Variants in PDE4D observed in about 807,000 individuals in gnomAD.
PDE4D encodes the protein 3',5'-cyclic-AMP phosphodiesterase 4D.
Under a neutral mutation model 87.4 loss-of-function variants are expected in PDE4D, and 24 were observed. The ratio of observed to expected loss-of-function variants is 0.27; its 90% CI spans 0.20 to 0.39. The LOEUF (loss-of-function observed/expected upper bound fraction) is 0.39, where lower values mean the gene tolerates loss of function less well. Ranked by LOEUF, PDE4D falls within the 10% of genes least tolerant of loss-of-function variation. The pLI is 1.00. For synonymous variants in PDE4D, 384 were observed against 383.2 expected (o/e 1.00, Z -0.02); for missense variants, 714 against 1,041.0 (o/e 0.69, Z 4.32).
At chr5:59,961,311 A>C (rs1342681775) in intron 3 of PDE4D, among the ~76,000 whole-genome samples, 1 of 151,856 alleles carries the variant, frequency 6.6e-6, no homozygotes. Context: ...TTAAAAAAAA[A>C]AAAAAGGCCA....
At chr5:60,175,613 T>C (rs1783840549) in intron 2 of PDE4D, among the ~76,000 whole-genome samples, 1 of 152,168 alleles carries the variant, frequency 6.6e-6, no homozygotes. Flanking sequence ...CCCTTTAGCT[T>C]TGGGTCTTCC....
At chr5:59,293,125 G>A (rs1467358294) in intron 1 of PDE4D, among the ~76,000 whole-genome samples, 1 of 152,102 alleles carries the variant, frequency 6.6e-6, no homozygotes, top group Admixed American at 6.6e-5. Flanking sequence ...TCTCCTTAAT[G>A]TTTTCTCTGG....
At chr5:59,567,824 G>A (rs1424695662) in intron 1 of PDE4D, among the ~76,000 whole-genome samples, 1 of 152,104 alleles carries the variant, frequency 6.6e-6, no homozygotes, top group African/African-American at 2.4e-5. Flanking sequence ...TGACCCATGT[G>A]GTAATGAGTT....
intron 1 of PDE4D, among the ~76,000 whole-genome samples, chr5:60,247,878 T>C (rs1035499220): frequency 6.6e-6 from 1 of 152,092 alleles, no homozygotes; most frequent in African/African-American, 2.4e-5. Flanking sequence ...TGCTGTGCTC[T>C]AGACATTGGA....
chr5:59,492,249 C>T (rs1806355475), intron 1 of PDE4D, among the ~76,000 whole-genome samples: 1 of 152,178 alleles, frequency 6.6e-6, no homozygotes. Flanking sequence ...CTGGGACTAT[C>T]CCATCTGTAC....
chr5:60,131,941 T>G (rs1163964307), intron 2 of PDE4D, among the ~76,000 whole-genome samples: 1 of 152,212 alleles, frequency 6.6e-6, no homozygotes, highest in East Asian at 1.9e-4. Context: ...TCTACAAATA[T>G]TCTCTGCAAT....
intron 1 of PDE4D, among the ~76,000 whole-genome samples, chr5:59,327,364 C>T (rs1775903768): frequency 6.6e-6 from 1 of 152,014 alleles, no homozygotes; most frequent in Non-Finnish European, 1.5e-5. Context: ...GCTGCCTTGG[C>T]CCCTTCTGAG....
intron 1 of PDE4D, among the ~76,000 whole-genome samples, chr5:59,750,974 C>T (rs1456582113): frequency 6.1e-5 from 9 of 148,016 alleles, no homozygotes; most frequent in Non-Finnish European, 1.2e-4. Context: ...AAAAAGTATG[C>T]CCCAATGTAT....
chr5:60,148,112 A>G (rs1295419201), intron 2 of PDE4D, among the ~76,000 whole-genome samples: 1 of 152,190 alleles, frequency 6.6e-6, no homozygotes, highest in African/African-American at 2.4e-5. Context: ...TCTATGATGT[A>G]TCTAAAGAAT....
chr5:59,598,232 AT>A (rs1377204102), intron 1 of PDE4D, among the ~76,000 whole-genome samples: 4 of 152,160 alleles, frequency 2.6e-5, no homozygotes, highest in Non-Finnish European at 4.4e-5. Flanking sequence ...GAGCTTTAAA[AT>A]TTTCCACAAA....
chr5:59,526,436 T>C (rs1242508575), intron 1 of PDE4D, among the ~76,000 whole-genome samples: 4 of 152,170 alleles, frequency 2.6e-5, no homozygotes, highest in Admixed American at 6.5e-5. Flanking sequence ...GTTTAGAAAA[T>C]AATTGTATGC....
chr5:59,317,300 G>A (rs1047385235), intron 1 of PDE4D, among the ~76,000 whole-genome samples: 1 of 152,166 alleles, frequency 6.6e-6, no homozygotes, highest in Non-Finnish European at 1.5e-5. Context: ...TACACACTAG[G>A]GGAGGCAAAC....
chr5:59,534,166 T>G (rs1583018277), intron 1 of PDE4D, among the ~76,000 whole-genome samples: 1 of 152,326 alleles, frequency 6.6e-6, no homozygotes, highest in Admixed American at 6.5e-5. Flanking sequence ...TTCTCTTGCA[T>G]TTTAGACATA....
intron 1 of PDE4D, among the ~76,000 whole-genome samples, chr5:59,519,943 C>A (rs369903448): frequency 2.6e-5 from 4 of 152,046 alleles, no homozygotes; most frequent in African/African-American, 7.2e-5. Context: ...TATCTCAGCA[C>A]TTATGTATTT....
intron 1 of PDE4D, among the ~76,000 whole-genome samples, chr5:60,206,708 CT>C (rs778436039): frequency 6.6e-5 from 10 of 152,188 alleles, no homozygotes; most frequent in Non-Finnish European, 1.2e-4. Context: ...ACTATCTATC[CT>C]AAAATGATGT....
At chr5:59,397,607 A>G (rs2153612187) in intron 1 of PDE4D, among the ~76,000 whole-genome samples, 1 of 114,464 alleles carries the variant, frequency 8.7e-6, no homozygotes, top group East Asian at 2.7e-4. Flanking sequence ...TTATAGCACT[A>G]AATGCCCACA....
Position 59,716,286 on chromosome 5 carries a change from G to A in PDE4D, c.455+176882C>T, listed in dbSNP as rs941075256. Among the ~76,000 whole-genome samples the A allele has an allele frequency of 3.3e-5, 5 of 152,318 alleles. No individual in the cohort carries two copies. In the East Asian group the frequency reaches 9.7e-4, roughly 29 times the overall value. On this transcript the variant is annotated intron_variant, in intron 1 of 14. Transcript: ENST00000340635. Reference sequence around the variant, plus strand: ...TAAAAGGTACAACTACGCTGCTGACGCTGTACATACATCTTGCGCTCATGG... The same window carrying A: ...TAAAAGGTACAACTACGCTGCTGACACTGTACATACATCTTGCGCTCATGG...
intron 1 of PDE4D, among the ~76,000 whole-genome samples, chr5:60,371,823 G>C (rs1218446594): frequency 6.6e-6 from 1 of 152,066 alleles, no homozygotes; most frequent in East Asian, 1.9e-4. Flanking sequence ...CATCCATATT[G>C]TATGTATTGA....
intron 6 of PDE4D, among the ~76,000 whole-genome samples, chr5:59,001,402 G>C (rs1750506536): frequency 6.6e-6 from 1 of 152,138 alleles, no homozygotes; most frequent in Non-Finnish European, 1.5e-5. Flanking sequence ...CTGTAACACT[G>C]TGTCTCTCTG....
Sources: allele counts gnomAD v4.1 joint callset (sites outside exome capture counted in the v4.1 genomes callset), GRCh38; gene constraint gnomAD v4.1.1; transcripts MANE v1.5; gene names NCBI Gene and HGNC (gene_info 2026-07-23, HGNC 2026-07-21).